The following DSG2 variants were observed in gnomAD, a reference collection of about 807,000 sequenced individuals.
DSG2 encodes the protein desmoglein-2.
Under a neutral mutation model 75.6 loss-of-function variants are expected in DSG2, and 45 were observed. The ratio of observed to expected loss-of-function variants is 0.60; its 90% confidence interval spans 0.47 to 0.76. The LOEUF is 0.76. Among genes scored for constraint, DSG2 ranks in the 30% least tolerant of loss-of-function variants. The pLI is 0.00. For synonymous variants in DSG2, 429 were observed against 483.9 expected, an observed-to-expected ratio of 0.89 and a Z score of 1.49; for missense variants, 1,267 against 1,357.4, an observed-to-expected ratio of 0.93 and a Z score of 1.05.
chr18:31,542,214 T>C (rs1159238437), intron 13 of DSG2: 4 of 426,510 alleles, frequency 9.4e-6, no homozygotes, highest in African/African-American at 8.0e-5. Context: ...ATTCTGTAAC[T>C]ATAGAAGAAG....
chr18:31,505,672 CT>C (rs1184235016), intron 1 of DSG2, among the ~76,000 whole-genome samples: 1 of 82,562 alleles, frequency 1.2e-5, no homozygotes, highest in Non-Finnish European at 2.5e-5. Context: ...TTTTTTTTTT[CT>C]TTTTTTTGAG....
chr18:31,542,284 A>G, intron 13 of DSG2: 1 of 582,916 alleles, frequency 1.7e-6, no homozygotes, highest in South Asian at 2.0e-5. Flanking sequence ...AGGAGCTGAG[A>G]CTGTTTGGGC....
intron 5 of DSG2, 76 bp downstream of exon 5, chr18:31,521,319 T>G (rs1235975856): frequency 4.6e-5 from 65 of 1,412,758 alleles, no homozygotes; most frequent in Non-Finnish European, 5.9e-5. Flanking sequence ...AAACACTAAA[T>G]TTCATATCTT....
At chr18:31,523,275 C>T (rs1440577658) in intron 6 of DSG2, among the ~76,000 whole-genome samples, 2 of 152,072 alleles carry the variant, frequency 1.3e-5, no homozygotes, top group Non-Finnish European at 2.9e-5. Flanking sequence ...GTGGCGGGCA[C>T]CTGTAGTCCC....
rs542079618 is a variant in DSG2, at chr18:31,531,088, C to G, written c.1116C>G (p.Pro372=). Residue 372 remains proline, a synonymous_variant, in exon 9 of 15, where the codon CCC becomes CCG. Coordinates refer to ENST00000261590, the MANE Select transcript of DSG2 (RefSeq NM_001943.5). ...TTAGGAGTAAATACAAGCCTACACC[C>G]ATTCCCATCAAGGTCAAAGTGAAAA... ...KSIRSKYKPT[P]IPIKVKVKNV... 22 of 1,614,004 alleles carry G rather than the reference C, an allele frequency of 1.4e-5. No individual in the cohort carries two copies. Among genetic ancestry groups the G allele is most frequent in the Non-Finnish European group, 1.7e-5 (20 of 1,180,002 alleles).
chr18:31,508,655 A>G (rs2073051496), intron 1 of DSG2, among the ~76,000 whole-genome samples: 1 of 152,036 alleles, frequency 6.6e-6, no homozygotes, highest in Non-Finnish European at 1.5e-5. Context: ...CTGCCTCCCA[A>G]AGTGCTGGGA....
At chr18:31,501,879 A>C (rs2073015548) in intron 1 of DSG2, among the ~76,000 whole-genome samples, 1 of 152,218 alleles carries the variant, frequency 6.6e-6, no homozygotes, top group Non-Finnish European at 1.5e-5. Flanking sequence ...AAGTGGATTC[A>C]AGTATCTATA....
At position 31,541,082 on chromosome 18, in the gene DSG2, A is replaced by G. The variant is rs1397120725; in HGVS notation, c.1880-111A>G. On this transcript the variant is annotated intron_variant, in intron 12 of 14. Transcript: ENST00000261590. ...GAAGAAAAGAAAAATAGAGCTGTAAATAAGTGAAGACAAGTCCAGGAAGGG... is the reference window on the plus strand; with the variant it reads ...GAAGAAAAGAAAAATAGAGCTGTAAGTAAGTGAAGACAAGTCCAGGAAGGG... 5 of 1,386,522 alleles carry G rather than the reference A, an allele frequency of 3.6e-6. No homozygotes were observed. The African/African-American group carries it at 4.3e-5, about 12-fold the overall frequency. The allele number at this position is 1,386,522 out of a possible 1,614,324, so 85.9% of individuals were successfully genotyped here.
chr18:31,498,264 C>G lies in DSG2; in HGVS notation c.13C>G (p.Pro5Ala). Reference sequence around the variant, plus strand: ...AGGCGAGGGTGCGATGGCGCGGAGCCCGGGACGCGCGTACGCCCTGCTGCT... The same window carrying G: ...AGGCGAGGGTGCGATGGCGCGGAGCGCGGGACGCGCGTACGCCCTGCTGCT... MARS[P>A]GRAYALLLLL... Residue 5 changes from proline (P) to alanine (A), a missense_variant, in exon 1 of 15, where the codon CCG becomes GCG. Coordinates refer to ENST00000261590, the MANE Select transcript of DSG2 (RefSeq NM_001943.5). The G allele has an allele frequency of 2.4e-6, 3 of 1,262,502 alleles. No individual in the cohort carries two copies. The highest frequency in any genetic ancestry group is 3.0e-6 in the Non-Finnish European group (3 of 999,932). The allele number at this position is 1,262,502 out of a possible 1,614,324, so 78.2% of individuals were successfully genotyped here. A position where few individuals can be genotyped will look rare whatever the true frequency, so the allele number is the denominator to read the frequency against.
intron 6 of DSG2, among the ~76,000 whole-genome samples, chr18:31,524,070 C>T (rs1245109719): frequency 6.6e-6 from 1 of 152,190 alleles, no homozygotes; most frequent in Non-Finnish European, 1.5e-5. Flanking sequence ...CTTCACTAAC[C>T]AAGTTTATTT....
rs1163162410 is a variant in DSG2, at chr18:31,535,297, T to C, written c.1308T>C (p.Asn436=). The C allele has an allele frequency of 6.3e-7, 1 of 1,591,748 alleles. No individual in the cohort carries two copies. The highest frequency in any genetic ancestry group is 8.6e-7 in the Non-Finnish European group (1 of 1,160,926). Residue 436 remains asparagine, a synonymous_variant, in exon 10 of 15, where the codon AAT becomes AAC. Transcript: ENST00000261590. ...ATGTAAAATTAGAAGATAGAGATAA[T>C]TGGATCTCTGTGGATTCTGTCACAT... The part of the protein sequence containing the change: ...ARYVKLEDRD[N]WISVDSVTSE...
At chr18:31,515,908 C>T (rs2073091737) in intron 1 of DSG2, among the ~76,000 whole-genome samples, 1 of 152,182 alleles carries the variant, frequency 6.6e-6, no homozygotes, top group African/African-American at 2.4e-5. Context: ...TAGGGAATGC[C>T]TTGTTTCCCA....
Position 31,524,570 on chromosome 18 carries a change from A to G in DSG2, c.813A>G (p.Val271=), listed in dbSNP as rs769992634. ...TGGATGTCAATGACAATATACCTGT[A>G]GTAGAAAATAAAGTGGTAACTATTA... ...RILDVNDNIP[V]VENKVLEGMV... Residue 271 remains valine, a synonymous_variant, in exon 7 of 15, where the codon GTA becomes GTG. Transcript: ENST00000261590. 6 of 1,614,044 alleles carry G rather than the reference A, an allele frequency of 3.7e-6. No individual in the cohort carries two copies. In the South Asian group the frequency reaches 6.6e-5, roughly 18 times the overall value.
intron 1 of DSG2, among the ~76,000 whole-genome samples, chr18:31,508,648 C>T (rs1364917605): frequency 6.6e-6 from 1 of 152,168 alleles, no homozygotes; most frequent in Non-Finnish European, 1.5e-5. Flanking sequence ...CCTACCTCTG[C>T]CTCCCAAAGT....
intron 1 of DSG2, among the ~76,000 whole-genome samples, chr18:31,505,952 C>T (rs1364559898): frequency 1.6e-4 from 25 of 152,050 alleles, no homozygotes; most frequent in Admixed American, 1.4e-3. Context: ...CGCACCTGGC[C>T]GAGTAGTAAA....
At chr18:31,538,630 G>A in intron 11 of DSG2, 121 bp from the exon 12 acceptor site, 1 of 869,298 alleles carries the variant, frequency 1.2e-6, no homozygotes, top group Non-Finnish European at 1.9e-6. Flanking sequence ...AGTGAAGGAA[G>A]AACAAAGTAC....
At chr18:31,542,970 TTTTC>T in intron 14 of DSG2, 118 bp downstream of exon 14, 2 of 972,306 alleles carry the variant, frequency 2.1e-6, no homozygotes, top group Non-Finnish European at 2.9e-6. Flanking sequence ...TTTTTTTTTT[TTTTC>T]TTTTTTCAGG....
rs566671690 is a variant in DSG2, at chr18:31,501,073, C to A, written c.45+2777C>A. On this transcript the variant is annotated intron_variant, in intron 1 of 14. Coordinates refer to ENST00000261590, the MANE Select transcript of DSG2 (RefSeq NM_001943.5). ...CTGAACATCACTAATAGACTTTCTA[C>A]TAGATCTTTTACTTAATATGTTAAT... 9.2e-5 allele frequency among the ~76,000 whole-genome samples: 14 copies of A among 152,280 alleles called. No homozygotes were observed. The South Asian group carries it at 2.9e-3, about 32-fold the overall frequency.
Position 31,518,291 on chromosome 18 carries a change from A to G in DSG2, c.81+17A>G, listed in dbSNP as rs547399759. On this transcript the variant is annotated intron_variant, in intron 2 of 14. Transcript: ENST00000261590. ...CACTTACAGGTGAGGAAACAAAGGG[A>G]TTATTTCTGCCTTCTGACTCAGGAG... 1.5e-4 allele frequency: 241 copies of G among 1,608,626 alleles called. No homozygotes were observed. Among genetic ancestry groups the G allele is most frequent in the Non-Finnish European group, 1.9e-4 (226 of 1,175,078 alleles).
Sources: allele counts gnomAD v4.1 joint callset (sites outside exome capture counted in the v4.1 genomes callset), GRCh38; gene constraint gnomAD v4.1.1; transcripts MANE v1.5; gene names NCBI Gene and HGNC (gene_info 2026-07-23, HGNC 2026-07-21).